The following HSPA9 variants were observed in gnomAD, a reference collection of about 807,000 sequenced individuals.
HSPA9 encodes heat shock protein family A (Hsp70) member 9.
HSPA9 carries 28 observed loss-of-function variants against 81.5 expected under a neutral mutation model. That is an observed-to-expected ratio of 0.34 (90% CI 0.25 to 0.47). HSPA9 has a LOEUF of 0.47. HSPA9 is among the 20% of genes least tolerant of loss of function. The pLI is 1.00. For synonymous variants in HSPA9, 293 were observed against 290.4 expected, an observed-to-expected ratio of 1.01 and a Z score of -0.09; for missense variants, 678 against 838.0, an observed-to-expected ratio of 0.81 and a Z score of 2.36.
At chr5:138,568,843 G>A (rs1198367020) in intron 5 of HSPA9, 82 bp downstream of exon 5, 13 of 1,441,332 alleles carry the variant, frequency 9.0e-6, no homozygotes, top group Non-Finnish European at 1.3e-5. Context: ...TTCATCTACA[G>A]GAGCTGGAGC....
chr5:138,566,276 G>A (rs1325298220), intron 9 of HSPA9, among the ~76,000 whole-genome samples: 1 of 149,796 alleles, frequency 6.7e-6, no homozygotes, highest in East Asian at 2.0e-4. Context: ...AGTTAAGACA[G>A]CAGTTTTTCC....
chr5:138,566,709 C>T lies in HSPA9; in HGVS notation c.889G>A (p.Asp297Asn), dbSNP rs760627658. The T allele has an allele frequency of 1.2e-6, 2 of 1,613,126 alleles. No individual in the cohort carries two copies. The highest frequency in any genetic ancestry group is 1.7e-6 in the Non-Finnish European group (2 of 1,179,154). Residue 297 changes from aspartate to asparagine, a missense_variant, in exon 9 of 17, where the codon GAT becomes AAT. Physicochemically the swap from Asp to Asn is conservative, Grantham distance 23. Transcript: ENST00000297185. ...AGTGCCATGTTGTCTTTAGTCAAAT[C>T]AACCCCTGTCTATAAAGTGAAGACA... ...VKEFKRETGV[D>N]LTKDNMALQR...
chr5:138,567,550 A>G lies in HSPA9; in HGVS notation c.621T>C (p.Asp207=). 1.2e-6 allele frequency: 2 copies of G among 1,613,904 alleles called. No homozygotes were observed. Among genetic ancestry groups the G allele is most frequent in the Non-Finnish European group, 1.7e-6 (2 of 1,179,762 alleles). Residue 207 remains aspartate (D), a synonymous_variant, in exon 7 of 17, where the codon GAT becomes GAC. Transcript: ENST00000297185. The part of the protein sequence containing the change: ...FNDSQRQATK[D]AGQISGLNVL... Reference sequence around the variant, plus strand: ...CATTCAGTCCAGATATCTGGCCAGCATCTTTAGTGGCCTAGAGAAAACAAA... The same window carrying G: ...CATTCAGTCCAGATATCTGGCCAGCGTCTTTAGTGGCCTAGAGAAAACAAA...
At chr5:138,565,086 T>C (rs1332816050) in intron 9 of HSPA9, among the ~76,000 whole-genome samples, 1 of 152,204 alleles carries the variant, frequency 6.6e-6, no homozygotes, top group Non-Finnish European at 1.5e-5. Context: ...ACTGAATGTG[T>C]AAGGATGCTC....
chr5:138,564,083 G>A (rs761585318), intron 9 of HSPA9, among the ~76,000 whole-genome samples: 1 of 152,086 alleles, frequency 6.6e-6, no homozygotes, highest in Non-Finnish European at 1.5e-5. Flanking sequence ...TACCTTCTTA[G>A]ATTATTTTTA....
chr5:138,556,421 T>C (rs747485175), intron 16 of HSPA9, 31 bp downstream of exon 16: 1 of 1,610,108 alleles, frequency 6.2e-7, no homozygotes, highest in Non-Finnish European at 8.5e-7. Context: ...CCAGATCAAG[T>C]TAGAATCAAA....
At position 138,557,460 on chromosome 5, in the gene HSPA9, T is replaced by C; in HGVS notation, c.1670A>G (p.Asp557Gly). The C allele has an allele frequency of 6.2e-7, 1 of 1,610,214 alleles. No homozygotes were observed. Among genetic ancestry groups the C allele is most frequent in the Non-Finnish European group, 8.5e-7 (1 of 1,177,022 alleles). Residue 557 changes from aspartate (D) to glycine (G), a missense_variant, in exon 14 of 17, where the codon GAT becomes GGT. By Grantham distance (94) the Asp-to-Gly change is moderately conservative (BLOSUM62 -1). Around this residue, in one of 4 missense-constraint regions of HSPA9, gnomAD observed 484 missense variants for 647.5 expected, o/e 0.75. Transcript: ENST00000297185. ...TGCATTTTTAACCATATTTTCAATA[T>C]CATCTTTGCTTAATCCACCAGAAGA... ...IQSSGGLSKD[D>G]IENMVKNAEK...
chr5:138,560,882 G>A lies in HSPA9; in HGVS notation c.1182+698C>T, dbSNP rs962732804. The A allele has an allele frequency of 1.2e-5, 5 of 418,636 alleles. No homozygotes were observed. The Admixed American group carries it at 1.6e-4, about 13-fold the overall frequency. The allele number at this position is 418,636 out of a possible 1,614,324, so 25.9% of individuals were successfully genotyped here. A position where few individuals can be genotyped will look rare whatever the true frequency, so the allele number is the denominator to read the frequency against. ...TCTTAATATATGAGGCATCCACCTGGTCCAGGACCTTTTTTTTCCAGGTTC... is the reference window on the plus strand; with the variant it reads ...TCTTAATATATGAGGCATCCACCTGATCCAGGACCTTTTTTTTCCAGGTTC... On this transcript the variant is annotated intron_variant, in intron 10 of 16. Coordinates refer to ENST00000297185, the MANE Select transcript of HSPA9 (RefSeq NM_004134.7).
chr5:138,557,743 TA>T, intron 13 of HSPA9, 125 bp downstream of exon 13: 1 of 799,540 alleles, frequency 1.3e-6, no homozygotes, highest in South Asian at 1.4e-5. Context: ...TTGTGGGGAA[TA>T]AACATTACAC....
intron 4 of HSPA9, 95 bp downstream of exon 4, chr5:138,570,865 A>G: frequency 9.6e-7 from 1 of 1,045,358 alleles, no homozygotes. Flanking sequence ...TTACTAAAGT[A>G]AGGTGCTCCA....
At chr5:138,572,294 T>C (rs1174992932) in intron 3 of HSPA9, among the ~76,000 whole-genome samples, 3 of 150,712 alleles carry the variant, frequency 2.0e-5, no homozygotes, top group African/African-American at 7.5e-5. Context: ...TGAACCTTTG[T>C]AGTGCTGATA....
Position 138,568,983 on chromosome 5 carries a change from T to C in HSPA9, c.477A>G (p.Lys159=). 1 of 1,614,030 alleles carries C rather than the reference T, an allele frequency of 6.2e-7. No individual in the cohort carries two copies. Among genetic ancestry groups the C allele is most frequent in the Non-Finnish European group, 8.5e-7 (1 of 1,179,916 alleles). Residue 159 remains lysine (K), a synonymous_variant, in exon 5 of 17, where the codon AAA becomes AAG. Coordinates refer to ENST00000297185, the MANE Select transcript of HSPA9 (RefSeq NM_004134.7). The part of the protein sequence containing the change: ...NGDAWVEAHG[K]LYSPSQIGAF... ...CTCCAATCTGACTCGGAGAATACAATTTCCCATGAGCCTCAACCCAGGCAT... is the reference window on the plus strand; with the variant it reads ...CTCCAATCTGACTCGGAGAATACAACTTCCCATGAGCCTCAACCCAGGCAT...
chr5:138,573,641 C>CCAAA (rs1751001909), intron 3 of HSPA9, 122 bp downstream of exon 3: 1 of 217,046 alleles, frequency 4.6e-6, no homozygotes, highest in African/African-American at 5.5e-5. Context: ...AGACTGTCTC[C>CCAAA]AAAAAAAAAA....
In HSPA9 at chr5:138,557,965, G is replaced by A. The variant is rs765080012; in HGVS notation, c.1537C>T (p.Arg513Cys). ...GTAACTTCAATCTGAGGAACTCCAC[G>A]AGGGGCTGGTGGAATTCCAATCTAA... is the stretch of plus-strand genomic sequence containing the variant. ...FTLIGIPPAP[R>C]GVPQIEVTFD... The change falls in exon 13 of 17, where the codon CGT (arginine) becomes TGT (cysteine). Residue 513 changes from arginine (R) to cysteine (C), a missense_variant. Transcript: ENST00000297185. 5 of 1,608,056 alleles carry A rather than the reference G, an allele frequency of 3.1e-6. No individual in the cohort carries two copies. The highest frequency in any genetic ancestry group is 2.2e-5 in the East Asian group (1 of 44,876).
intron 14 of HSPA9, 153 bp downstream of exon 14, chr5:138,557,249 A>G (rs1167001816): frequency 1.4e-6 from 1 of 689,758 alleles, no homozygotes. Context: ...GCAGGCGTGC[A>G]CCACCACGCC....
intron 3 of HSPA9, among the ~76,000 whole-genome samples, chr5:138,572,228 C>A (rs1464130485): frequency 6.6e-6 from 1 of 150,616 alleles, no homozygotes; most frequent in African/African-American, 2.5e-5. Flanking sequence ...ACCCACCAGG[C>A]CTGGCCCTGA....
At chr5:138,567,336 A>G in intron 7 of HSPA9, 119 bp downstream of exon 7, 1 of 1,045,978 alleles carries the variant, frequency 9.6e-7, no homozygotes, top group Non-Finnish European at 1.5e-6. Flanking sequence ...TGAAATGAAA[A>G]AACAAAGACA....
intron 11 of HSPA9, 72 bp downstream of exon 11, chr5:138,559,789 CATG>C (rs1368283747): frequency 1.0e-6 from 1 of 985,642 alleles, no homozygotes; most frequent in African/African-American, 1.6e-5. Context: ...AGAAAAAACT[CATG>C]AAAGTGGCTG....
At chr5:138,569,492 A>G (rs1205817646) in intron 4 of HSPA9, among the ~76,000 whole-genome samples, 1 of 152,238 alleles carries the variant, frequency 6.6e-6, no homozygotes, top group Admixed American at 6.5e-5. Flanking sequence ...TCAAATGTCC[A>G]TCACTTGACA....
Sources: allele counts gnomAD v4.1 joint callset (sites outside exome capture counted in the v4.1 genomes callset), GRCh38; gene constraint gnomAD v4.1.1; regional missense constraint gnomAD v4.1.1; transcripts MANE v1.5; gene names NCBI Gene and HGNC (gene_info 2026-07-23, HGNC 2026-07-21).